MAPK12: variants seen among roughly 807,000 people sequenced by gnomAD.
MAPK12 encodes the protein mitogen-activated protein kinase 12, also known as MAP kinase 12.
Under a neutral mutation model 49.1 loss-of-function variants are expected in MAPK12, and 49 were observed. The observed-to-expected ratio is 1.00, with a 90% CI of 0.79 to 1.27. MAPK12 has a LOEUF of 1.27. MAPK12 is among the 50% of genes most tolerant of loss of function. MAPK12 has a pLI of 0.00. For missense variants in MAPK12, 554 were observed against 502.4 expected, an observed-to-expected ratio of 1.10 and a Z score of -0.98; for synonymous variants, 251 against 209.7, an observed-to-expected ratio of 1.20 and a Z score of -1.70.
At position 50,261,568 on chromosome 22, in the gene MAPK12, G is replaced by A. The variant is rs1326433701; in HGVS notation, c.-59C>T. 2 of 1,031,654 alleles carry A rather than the reference G, an allele frequency of 1.9e-6. No individual in the cohort carries two copies. The highest frequency in any genetic ancestry group is 5.7e-5 in the Admixed American group (1 of 17,438). 63.9% of individuals were successfully genotyped at this position (1,031,654 alleles called of 1,614,324 possible). ...TGCGGGCGGTGCCCCCACGACCGGG[G>A]ACGGGGCTCCCTCGGCGCGCGCCTC... On this transcript the variant is annotated 5_prime_UTR_variant, in exon 1 of 12. Coordinates refer to ENST00000215659, the MANE Select transcript of MAPK12 (RefSeq NM_002969.6).
rs528128277 is a variant in MAPK12, at chr22:50,257,631, G to C, written c.315-438C>G. ...GGAGGTGCCTGGGGGCGATGGGGGC[G>C]CGGCAAGGCATCTGGGTCAGAGGGG... On this transcript the variant is annotated intron_variant, in intron 3 of 11. Transcript: ENST00000215659. The C allele has an allele frequency of 1.4e-5, 8 of 574,100 alleles. No homozygotes were observed. The Admixed American group carries it at 1.5e-4, about 11-fold the overall frequency. 35.6% of individuals were successfully genotyped at this position (574,100 alleles called of 1,614,324 possible). A position where few individuals can be genotyped will look rare whatever the true frequency, so the allele number is the denominator to read the frequency against.
At chr22:50,254,343 G>C (rs929923428) in intron 11 of MAPK12, 3 of 153,244 alleles carry the variant, frequency 2.0e-5, no homozygotes, top group African/African-American at 7.2e-5. Flanking sequence ...GTCCAGGGGG[G>C]AGGGATCCTA....
chr22:50,259,297 G>C (rs1460333974), intron 2 of MAPK12, among the ~76,000 whole-genome samples: 1 of 152,112 alleles, frequency 6.6e-6, no homozygotes. Context: ...AGGGTGCCCG[G>C]GAGAGTGCTT....
chr22:50,260,750 CAG>C (rs1402834629), intron 2 of MAPK12: 1 of 158,756 alleles, frequency 6.3e-6, no homozygotes, highest in Non-Finnish European at 1.4e-5. Context: ...GTGGGCTCCA[CAG>C]AGGGGCTGGA....
chr22:50,253,502 G>GGGGGGGGGGGGGGGGA, intron 11 of MAPK12, 22 bp from the exon 12 acceptor site: 3 of 171,684 alleles, frequency 1.7e-5, no homozygotes, highest in South Asian at 4.5e-5. Context: ...GGGGGGGCGG[G>GGGGGGGGGGGGGGGGA]CACAACAGAG....
intron 11 of MAPK12, 22 bp from the exon 12 acceptor site, chr22:50,253,502 G>GGGGGGGGGGGGGGGGGGGGGC: frequency 4.1e-5 from 7 of 171,668 alleles, no homozygotes; most frequent in Non-Finnish European, 6.8e-5. Context: ...GGGGGGGCGG[G>GGGGGGGGGGGGGGGGGGGGGC]CACAACAGAG....
chr22:50,253,636 G>A (rs1162518755), intron 11 of MAPK12, 156 bp from the exon 12 acceptor site: 7 of 616,968 alleles, frequency 1.1e-5, no homozygotes, highest in Non-Finnish European at 1.8e-5. Flanking sequence ...GTGTGAAGAG[G>A]CCATTGCTCT....
At position 50,255,712 on chromosome 22, in the gene MAPK12, A is replaced by G; in HGVS notation, c.692-18T>C. ...GTCCAGGTCTGCACCGAGGTCAGGAACACAGCTCGGGGGCCAGAGATCAGG... is the reference window on the plus strand; with the variant it reads ...GTCCAGGTCTGCACCGAGGTCAGGAGCACAGCTCGGGGGCCAGAGATCAGG... On this transcript the variant is annotated intron_variant, in intron 8 of 11. Transcript: ENST00000215659. 6.2e-7 allele frequency: 1 copy of G among 1,609,762 alleles called. No homozygotes were observed. Among genetic ancestry groups the G allele is most frequent in the Non-Finnish European group, 8.5e-7 (1 of 1,179,894 alleles).
rs771341247 is a variant in MAPK12 at position 50,255,501 on chromosome 22, A to G, written c.802T>C (p.Leu268=). 4 of 1,613,174 alleles carry G rather than the reference A, an allele frequency of 2.5e-6. No individual in the cohort carries two copies. The highest frequency in any genetic ancestry group is 1.1e-5 in the South Asian group (1 of 91,082). ...AKNYMKGLPE[L]EKKDFASILT... ...ATAGAGGCAAAATCCTTCTTCTCCA[A>G]TTCGGGGAGGCCCTTCATGTAGTTC... Residue 268 remains leucine (L), a synonymous_variant, in exon 10 of 12, where the codon TTG becomes CTG. Transcript: ENST00000215659.
intron 3 of MAPK12, chr22:50,257,870 C>T (rs750408733): frequency 1.3e-6 from 1 of 759,026 alleles, no homozygotes; most frequent in South Asian, 1.4e-5. Flanking sequence ...CGCTTCTCCC[C>T]CACCCGCTGG....
chr22:50,255,578 G>GGCCCCCCCCC, intron 9 of MAPK12, 37 bp downstream of exon 9: 1 of 1,582,016 alleles, frequency 6.3e-7, no homozygotes, highest in South Asian at 1.1e-5. Flanking sequence ...GCCCAGGTCC[G>GGCCCCCCCCC]CCCCCACCCC....
In MAPK12 at chr22:50,261,561, G is replaced by A; in HGVS notation, c.-52C>T. On this transcript the variant is annotated 5_prime_UTR_variant, in exon 1 of 12. Transcript: ENST00000215659. ...CAGAGCCTGCGGGCGGTGCCCCCAC[G>A]ACCGGGGACGGGGCTCCCTCGGCGC... 1 of 1,037,324 alleles carries A rather than the reference G, an allele frequency of 9.6e-7. No homozygotes were observed. Among genetic ancestry groups the A allele is most frequent in the Non-Finnish European group, 1.2e-6 (1 of 864,190 alleles). The allele number at this position is 1,037,324 out of a possible 1,614,324, so 64.3% of individuals were successfully genotyped here.
At position 50,253,491 on chromosome 22, in the gene MAPK12, TGGG is replaced by T; in HGVS notation, c.1025-14_1025-12del. The T allele has an allele frequency of 2.9e-5, 3 of 103,840 alleles. No individual in the cohort carries two copies. Among genetic ancestry groups the T allele is most frequent in the Non-Finnish European group, 5.1e-5 (3 of 58,502 alleles). 6.4% of individuals were successfully genotyped at this position (103,840 alleles called of 1,614,324 possible). A position where few individuals can be genotyped will look rare whatever the true frequency, so the allele number is the denominator to read the frequency against. On this transcript the variant is annotated splice_polypyrimidine_tract_variant and intron_variant, in intron 11 of 11. Transcript: ENST00000215659. ...CTTTGTAAGTAACACCTGGCGGGGG[TGGG>T]GGGGCGGGCACAACAGAGAGGGGGG... is the stretch of plus-strand genomic sequence containing the variant.
At chr22:50,254,507 C>T in intron 11 of MAPK12, 1 of 259,402 alleles carries the variant, frequency 3.9e-6, no homozygotes, top group Non-Finnish European at 6.0e-6. Context: ...AAAAAATTAG[C>T]CAGGCCTGGT....
At position 50,255,627 on chromosome 22, in the gene MAPK12, C is replaced by T; in HGVS notation, c.759G>A (p.Leu253=). 2 of 1,611,052 alleles carry T rather than the reference C, an allele frequency of 1.2e-6. No homozygotes were observed. Among genetic ancestry groups the T allele is most frequent in the South Asian group, 1.1e-5 (1 of 91,014 alleles). ...ACTCACCCCTTACCTCATCGCTCTG[C>T]AGCCGCTGCACAAACTCAGCCGGAG... ...GTPPAEFVQR[L]QSDEAKNYMK... is the part of the protein sequence containing the mutation. Residue 253 remains leucine (L), a synonymous_variant, in exon 9 of 12, where the codon CTG becomes CTA. Transcript: ENST00000215659.
chr22:50,253,622 G>A (rs1452864543), intron 11 of MAPK12, 142 bp from the exon 12 acceptor site: 2 of 627,826 alleles, frequency 3.2e-6, no homozygotes, highest in South Asian at 1.8e-5. Flanking sequence ...CTGAGAGAAG[G>A]TTTGTGTGAA....
chr22:50,253,829 A>G (rs144588830), intron 11 of MAPK12: 9 of 349,240 alleles, frequency 2.6e-5, no homozygotes, highest in African/African-American at 1.9e-4. Context: ...AACAAAGCCA[A>G]ACTCATAAGC....
rs755130306 is a variant in MAPK12, at chr22:50,255,375, G to A, written c.851-5C>T. ...TCTTCTCCAGGAGGTTCACAGCTGC[G>A]GGGGAAGGTGCATCAGGCCAGACCA... On this transcript the variant is annotated splice_polypyrimidine_tract_variant and splice_region_variant and intron_variant, in intron 10 of 11. Coordinates refer to ENST00000215659, the MANE Select transcript of MAPK12 (RefSeq NM_002969.6). 2.7e-5 allele frequency: 43 copies of A among 1,612,796 alleles called. No individual in the cohort carries two copies. Among genetic ancestry groups the A allele is most frequent in the Middle Eastern group, 1.6e-4 (1 of 6,084 alleles).
Position 50,256,882 on chromosome 22 carries a change from G to A in MAPK12, c.456+53C>T, listed in dbSNP as rs79874643. 1,194 of 1,587,898 alleles carry A rather than the reference G, an allele frequency of 7.5e-4. 8 individuals are homozygous for A. In the African/African-American group the frequency reaches 0.012, roughly 15 times the overall value. ...ATCCTCACAGGTGGGACGTGGAGGC[G>A]GGGGGATTGCACTGGGGGAGGGCTG... On this transcript the variant is annotated intron_variant, in intron 5 of 11. Transcript: ENST00000215659.
Sources: allele counts gnomAD v4.1 joint callset (sites outside exome capture counted in the v4.1 genomes callset), GRCh38; gene constraint gnomAD v4.1.1; transcripts MANE v1.5; gene names NCBI Gene and HGNC (gene_info 2026-07-23, HGNC 2026-07-21).